PPP2R2B: variants seen among roughly 807,000 people sequenced by gnomAD.
PPP2R2B encodes serine/threonine-protein phosphatase 2A 55 kDa regulatory subunit B beta isoform.
PPP2R2B carries 5 observed loss-of-function variants against 46.0 expected under a neutral mutation model. The observed-to-expected ratio is 0.11, with a 90% CI of 0.06 to 0.23. The LOEUF is 0.23. PPP2R2B is among the 10% of genes least tolerant of loss of function. PPP2R2B has a pLI of 1.00. For synonymous variants in PPP2R2B, 215 were observed against 206.7 expected, an observed-to-expected ratio of 1.04 and a Z score of -0.34; for missense variants, 367 against 575.0, an observed-to-expected ratio of 0.64 and a Z score of 3.70.
intron 2 of PPP2R2B, among the ~76,000 whole-genome samples, chr5:146,807,693 G>GAT (rs1757258090): frequency 7.0e-6 from 1 of 142,992 alleles, no homozygotes; most frequent in Admixed American, 7.3e-5. Context: ...TTTGAATACA[G>GAT]ATCTGACTCA....
At chr5:146,853,276 C>T (rs1226646280) in intron 2 of PPP2R2B, among the ~76,000 whole-genome samples, 1 of 152,138 alleles carries the variant, frequency 6.6e-6, no homozygotes, top group East Asian at 1.9e-4. Flanking sequence ...TCTGGACTAG[C>T]TACCAACCAC....
intron 2 of PPP2R2B, among the ~76,000 whole-genome samples, chr5:147,067,829 G>A (rs188698319): frequency 6.6e-6 from 1 of 152,270 alleles, no homozygotes; most frequent in East Asian, 1.9e-4. Context: ...TGGATTAGGT[G>A]TAAGAAGTCC....
At chr5:146,599,202 T>C (rs1245054925) in intron 8 of PPP2R2B, among the ~76,000 whole-genome samples, 1 of 152,168 alleles carries the variant, frequency 6.6e-6, no homozygotes, top group African/African-American at 2.4e-5. Flanking sequence ...CAATGCCTTT[T>C]CCTTTGTTTC....
rs186149693 is a variant in PPP2R2B, at chr5:146,764,264, C to T, written c.71-63122G>A. 7.7e-4 allele frequency among the ~76,000 whole-genome samples: 117 copies of T among 152,082 alleles called. No homozygotes were observed. In the East Asian group the frequency reaches 0.013, roughly 17 times the overall value. On this transcript the variant is annotated intron_variant, in intron 2 of 9. Transcript: ENST00000394411. ...CACCAGATGACAAAAGCCTTGTGGG[C>T]CCACTTTTGAAGGAATTTACCCTGA...
At chr5:146,719,491 G>T (rs1043802309) in intron 2 of PPP2R2B, among the ~76,000 whole-genome samples, 14 of 152,212 alleles carry the variant, frequency 9.2e-5, no homozygotes, top group African/African-American at 3.4e-4. Context: ...AATAATATTG[G>T]TACCATTTTG....
chr5:146,725,285 A>G (rs1751793864), intron 2 of PPP2R2B, among the ~76,000 whole-genome samples: 1 of 152,140 alleles, frequency 6.6e-6, no homozygotes, highest in South Asian at 2.1e-4. Context: ...TATATTGCAG[A>G]TTAGATTTGA....
rs922837773 is a variant in PPP2R2B at position 146,582,678 on chromosome 5, T to C, written c.*7269A>G. ...CTTCCTTACACGTTTATTTGTTCAT[T>C]CATTCAACAAAACTTTTGAGCACCT... On this transcript the variant is annotated 3_prime_UTR_variant, in exon 10 of 10. Coordinates refer to ENST00000394411, the MANE Select transcript of PPP2R2B (RefSeq NM_181675.4). 2.0e-5 allele frequency: 3 copies of C among 152,228 alleles called. No individual in the cohort carries two copies. Among genetic ancestry groups the C allele is most frequent in the African/African-American group, 7.2e-5 (3 of 41,446 alleles). 9.4% of individuals were successfully genotyped at this position (152,228 alleles called of 1,614,324 possible).
intron 7 of PPP2R2B, among the ~76,000 whole-genome samples, chr5:146,604,007 G>T (rs1772030566): frequency 6.6e-6 from 1 of 152,264 alleles, no homozygotes; most frequent in African/African-American, 2.4e-5. Context: ...TAGTATATTA[G>T]CTAGAGTCCA....
At chr5:146,904,967 ACAAC>A (rs1762951019) in intron 1 of PPP2R2B, among the ~76,000 whole-genome samples, 1 of 152,254 alleles carries the variant, frequency 6.6e-6, no homozygotes, top group Admixed American at 6.5e-5. Context: ...TAATTAAAAG[ACAAC>A]CTGATAAAAA....
intron 4 of PPP2R2B, among the ~76,000 whole-genome samples, chr5:146,695,714 C>T (rs1779138371): frequency 6.6e-6 from 1 of 151,980 alleles, no homozygotes; most frequent in Admixed American, 6.6e-5. Flanking sequence ...TTTCTTTCTT[C>T]TTGCTGGTTC....
intron 5 of PPP2R2B, among the ~76,000 whole-genome samples, chr5:146,655,243 C>T (rs543044961): frequency 2.6e-5 from 4 of 152,268 alleles, no homozygotes; most frequent in South Asian, 2.1e-4. Flanking sequence ...GAATATCAAC[C>T]GAATAATGTC....
upstream of PPP2R2B, among the ~76,000 whole-genome samples, chr5:147,056,972 C>G (rs76442045): frequency 2.0e-5 from 3 of 152,280 alleles, no homozygotes; most frequent in East Asian, 5.8e-4. Flanking sequence ...TAAAAGAAAA[C>G]CAACATTTCC....
chr5:146,891,065 G>T (rs184050005), intron 1 of PPP2R2B, among the ~76,000 whole-genome samples: 2 of 152,150 alleles, frequency 1.3e-5, no homozygotes, highest in Admixed American at 1.3e-4. Flanking sequence ...AAATTTTTTC[G>T]TAGAGAATAA....
At chr5:146,768,375 G>A (rs1254413931) in intron 2 of PPP2R2B, among the ~76,000 whole-genome samples, 1 of 152,120 alleles carries the variant, frequency 6.6e-6, no homozygotes, top group African/African-American at 2.4e-5. Flanking sequence ...AGAACTGGTT[G>A]TAATTTTGTT....
chr5:146,841,940 A>G (rs1010292422), intron 2 of PPP2R2B, among the ~76,000 whole-genome samples: 1 of 152,226 alleles, frequency 6.6e-6, no homozygotes, highest in African/African-American at 2.4e-5. Context: ...ATGAAAATAT[A>G]AAGAAAAAAG....
intron 2 of PPP2R2B, among the ~76,000 whole-genome samples, chr5:146,842,487 T>A (rs1453348004): frequency 2.6e-5 from 4 of 151,026 alleles, no homozygotes; most frequent in East Asian, 3.9e-4. Context: ...TGCCCTTTTT[T>A]TTTTTTTTTT....
chr5:146,873,051 T>C (rs1761703536), intron 2 of PPP2R2B, among the ~76,000 whole-genome samples: 1 of 152,182 alleles, frequency 6.6e-6, no homozygotes, highest in South Asian at 2.1e-4. Context: ...TACTTGCAAG[T>C]CTCACTGTGA....
At chr5:146,793,187 T>C (rs1420038172) in intron 2 of PPP2R2B, among the ~76,000 whole-genome samples, 2 of 152,168 alleles carry the variant, frequency 1.3e-5, no homozygotes, top group Non-Finnish European at 2.9e-5. Context: ...GTTTTTGGCC[T>C]GAAGAACTAG....
intron 2 of PPP2R2B, among the ~76,000 whole-genome samples, chr5:146,814,658 A>G (rs1300220304): frequency 3.9e-5 from 6 of 152,228 alleles, no homozygotes; most frequent in Admixed American, 3.3e-4. Flanking sequence ...TGGTAAGGGG[A>G]AAAGCACCTC....
Sources: gnomAD v4.1 joint callset for allele counts (sites outside exome capture counted in the v4.1 genomes callset) on GRCh38, gnomAD v4.1.1 for gene constraint, MANE v1.5 for transcripts, NCBI Gene and HGNC (gene_info 2026-07-23, HGNC 2026-07-21) for gene names.